CYP27C1: variants seen among roughly 807,000 people sequenced by gnomAD.
CYP27C1 encodes the protein cytochrome P450 27C1.
A neutral mutation model predicts 40.6 loss-of-function variants in CYP27C1; 29 were observed. That is an observed-to-expected ratio of 0.71 (90% CI 0.53 to 0.97). CYP27C1 has a LOEUF of 0.97. Ranked by LOEUF, CYP27C1 falls within the 50% of genes least tolerant of loss-of-function variation. The pLI, the probability that CYP27C1 is intolerant of heterozygous loss-of-function variation, is 0.00. For missense variants in CYP27C1, 390 were observed against 485.8 expected, an observed-to-expected ratio of 0.80 and a Z score of 1.85; for synonymous variants, 198 against 186.8, an observed-to-expected ratio of 1.06 and a Z score of -0.49.
intron 5 of CYP27C1, among the ~76,000 whole-genome samples, chr2:127,198,290 G>A (rs1682952482): frequency 6.6e-6 from 1 of 151,884 alleles, no homozygotes; most frequent in African/African-American, 2.4e-5. Context: ...AAGTTATGTT[G>A]GCTTTATAGA....
intron 8 of CYP27C1, among the ~76,000 whole-genome samples, chr2:127,189,186 C>G (rs952166421): frequency 1.3e-5 from 2 of 151,796 alleles, no homozygotes; most frequent in African/African-American, 4.8e-5. Flanking sequence ...CCTCCGCCCC[C>G]CTACATCCAG....
rs1218455699 is a variant in CYP27C1 at position 127,203,461 on chromosome 2, A to G, written c.584T>C (p.Ile195Thr). ...GCTCCTGAGGAGGTAGATTCTTTTA[A>G]TTAAGTCAGCAATAACTTGGTTGAC... ...GEVNQVIADLIKRIYLLRSQA... is the reference protein window; with the variant it reads ...GEVNQVIADLTKRIYLLRSQA... The change falls in exon 3 of 9, where the codon ATT becomes ACT. Residue 195 changes from isoleucine to threonine, a missense_variant. By Grantham distance (89) the Ile-to-Thr change is moderately conservative. Coordinates refer to ENST00000664447, the MANE Select transcript of CYP27C1 (RefSeq NM_001367502.1). The G allele has an allele frequency of 6.2e-7, 1 of 1,614,112 alleles. No individual in the cohort carries two copies.
rs190048808 is a variant in CYP27C1, at chr2:127,197,611, C to T, written c.1047+1765G>A. Among the ~76,000 whole-genome samples, 10 of 152,254 alleles carry T rather than the reference C, an allele frequency of 6.6e-5. No homozygotes were observed. The East Asian group carries it at 1.2e-3, about 18-fold the overall frequency. The stretch of plus-strand genomic sequence containing the variant: ...ATGCTTTGGAAACAGCGAAGCGTCA[C>T]GCAATCTTAATTCTCTCTTTCCACC... On this transcript the variant is annotated intron_variant, in intron 5 of 8. Coordinates refer to ENST00000664447, the MANE Select transcript of CYP27C1 (RefSeq NM_001367502.1).
chr2:127,203,386 T>C lies in CYP27C1; in HGVS notation c.659A>G (p.Lys220Arg), dbSNP rs1209087345. Residue 220 changes from lysine to arginine, a missense_variant, in exon 3 of 9, where the codon AAA (lysine) becomes AGA (arginine). By Grantham distance (26) the Lys-to-Arg change is conservative (BLOSUM62 2). Coordinates refer to ENST00000664447, the MANE Select transcript of CYP27C1 (RefSeq NM_001367502.1). ...TTCCACCTCACCTTCCATTGAATAT[T>C]TGAAGAAAAGATCATTGACATTGGT... is the stretch of plus-strand genomic sequence containing the variant. ...TVTNVNDLFF[K>R]YSMEGVATIL... 3 of 1,612,656 alleles carry C rather than the reference T, an allele frequency of 1.9e-6. No individual in the cohort carries two copies. In the Admixed American group the frequency reaches 5.0e-5, roughly 27 times the overall value.
At position 127,195,867 on chromosome 2, in the gene CYP27C1, C is replaced by A. The variant is rs1235252330; in HGVS notation, c.1048-366G>T. On this transcript the variant is annotated intron_variant, in intron 5 of 8. Transcript: ENST00000664447. The surrounding 1 kb of genome is among the most constrained non-coding windows in gnomAD (Gnocchi z 6.2). ...CTGGGACTTTGTGTGACCTTCTTTG[C>A]AGGGCTTGCTCGGTGTGTGCCAGAA... Among the ~76,000 whole-genome samples, 3 of 152,178 alleles carry A rather than the reference C, an allele frequency of 2.0e-5. No individual in the cohort carries two copies. The East Asian group carries it at 5.8e-4, about 29-fold the overall frequency.
At chr2:127,205,742 T>C (rs1489355104) in intron 2 of CYP27C1, 158 bp downstream of exon 2, 2 of 985,342 alleles carry the variant, frequency 2.0e-6, no homozygotes, top group Non-Finnish European at 2.4e-6. Context: ...AGGGCTCTCA[T>C]GTCTGGGAGA....
intron 1 of CYP27C1, among the ~76,000 whole-genome samples, chr2:127,213,477 A>T (rs1256216454): frequency 2.0e-5 from 3 of 152,184 alleles, no homozygotes; most frequent in African/African-American, 7.2e-5. Context: ...CATATAGACC[A>T]ATGGAGCAAA....
chr2:127,198,030 A>C (rs915559537), intron 5 of CYP27C1, among the ~76,000 whole-genome samples: 5 of 152,118 alleles, frequency 3.3e-5, no homozygotes, highest in Admixed American at 2.6e-4. Context: ...CACAGTATAC[A>C]TGCTGGTCTG....
chr2:127,193,340 T>C (rs1682826546), intron 7 of CYP27C1, 43 bp from the exon 8 acceptor site: 2 of 1,609,666 alleles, frequency 1.2e-6, no homozygotes, highest in East Asian at 2.2e-5. Context: ...AGGGGCAGAA[T>C]CACTCAAGAG....
Position 127,187,370 on chromosome 2 carries a change from C to A in CYP27C1, c.1515G>T (p.Glu505Asp). 1 of 1,614,064 alleles carries A rather than the reference C, an allele frequency of 6.2e-7. No individual in the cohort carries two copies. The part of the protein sequence containing the change: ...LVVIQLLQHF[E>D]IKTSSQTNAV... ...CATTGGTCTGAGAAGATGTTTTGAT[C>A]TCAAAATGTTGAAGCAACTAAGAAG... Residue 505 changes from glutamate (E) to aspartate (D), a missense_variant, in exon 9 of 9, where the codon GAG becomes GAT. Transcript: ENST00000664447.
rs780660849 is a variant in CYP27C1 at position 127,195,507 on chromosome 2, G to A, written c.1048-6C>T. On this transcript the variant is annotated splice_polypyrimidine_tract_variant and splice_region_variant and intron_variant, in intron 5 of 8. Transcript: ENST00000664447. This position sits in a 1 kb window ranked among gnomAD's most constrained non-coding sequence, Gnocchi z 6.2. The stretch of plus-strand genomic sequence containing the variant: ...CAAGACAAGGTGAAGGACGTCTAAG[G>A]AGAGAAAGTGGCAGACACAGGCAGG... 6.2e-7 allele frequency: 1 copy of A among 1,613,552 alleles called. No individual in the cohort carries two copies. Among genetic ancestry groups the A allele is most frequent in the South Asian group, 1.1e-5 (1 of 91,016 alleles).
At position 127,196,512 on chromosome 2, in the gene CYP27C1, A is replaced by G. The variant is rs994351255; in HGVS notation, c.1048-1011T>C. On this transcript the variant is annotated intron_variant, in intron 5 of 8. Coordinates refer to ENST00000664447, the MANE Select transcript of CYP27C1 (RefSeq NM_001367502.1). This position sits in a 1 kb window ranked among gnomAD's most constrained non-coding sequence, Gnocchi z 4.5. Reference sequence around the variant, plus strand: ...CTAGTAAACAAGGAAATGCCACAGTATAAAGGCCTTTCTCTTTCACCAAAA... The same window carrying G: ...CTAGTAAACAAGGAAATGCCACAGTGTAAAGGCCTTTCTCTTTCACCAAAA... 6.9e-6 allele frequency among the ~76,000 whole-genome samples: 1 copy of G among 144,632 alleles called. No individual in the cohort carries two copies. The highest frequency in any genetic ancestry group is 2.6e-5 in the African/African-American group (1 of 38,610). 94.9% of individuals were successfully genotyped at this position (144,632 alleles called of 152,430 possible).
chr2:127,215,763 A>G (rs1240505057), intron 1 of CYP27C1, among the ~76,000 whole-genome samples: 1 of 152,118 alleles, frequency 6.6e-6, no homozygotes, highest in South Asian at 2.1e-4. Flanking sequence ...TTTGCAAAGC[A>G]CATATCTGAT....
At chr2:127,211,562 T>A (rs1683340164) in intron 1 of CYP27C1, among the ~76,000 whole-genome samples, 3 of 151,868 alleles carry the variant, frequency 2.0e-5, no homozygotes, top group African/African-American at 4.8e-5. Flanking sequence ...TTTTTTTGTA[T>A]TTTTAGTAGA....
chr2:127,189,716 GATGCTC>G (rs1418338345), intron 8 of CYP27C1, among the ~76,000 whole-genome samples: 3 of 151,314 alleles, frequency 2.0e-5, no homozygotes, highest in Middle Eastern at 3.5e-3. Flanking sequence ...TATCTTTTGG[GATGCTC>G]ATGTAATTTT....
In CYP27C1 at chr2:127,196,131, C is replaced by T. The variant is rs985213926; in HGVS notation, c.1048-630G>A. Among the ~76,000 whole-genome samples, 15 of 151,750 alleles carry T rather than the reference C, an allele frequency of 9.9e-5. No individual in the cohort carries two copies. Among genetic ancestry groups the T allele is most frequent in the African/African-American group, 2.9e-4 (12 of 41,320 alleles). On this transcript the variant is annotated intron_variant, in intron 5 of 8. Transcript: ENST00000664447. The surrounding 1 kb of genome is among the most constrained non-coding windows in gnomAD (Gnocchi z 4.5). ...AGGCTGGAATGCAGTGACGCGATCTCGGCTCACTGCAAGCTCTGCCTCCCG... is the reference window on the plus strand; with the variant it reads ...AGGCTGGAATGCAGTGACGCGATCTTGGCTCACTGCAAGCTCTGCCTCCCG...
chr2:127,197,550 T>C (rs1270652080), intron 5 of CYP27C1, among the ~76,000 whole-genome samples: 1 of 152,094 alleles, frequency 6.6e-6, no homozygotes, highest in African/African-American at 2.4e-5. Flanking sequence ...ACTCCTACCT[T>C]AGAGGAAGCT....
At chr2:127,187,827 G>A (rs1288339352) in intron 8 of CYP27C1, among the ~76,000 whole-genome samples, 2 of 152,184 alleles carry the variant, frequency 1.3e-5, no homozygotes, top group Non-Finnish European at 2.9e-5. Context: ...AGAAACAGAG[G>A]CGGAGAGAGC....
At position 127,191,243 on chromosome 2, in the gene CYP27C1, A is replaced by T. The variant is rs143777625; in HGVS notation, c.1497+1851T>A. ...CTGGCGACAGAGCAAGACTCAAAAA[A>T]AATAATAAAATAAAATAAAAACCGT... is the stretch of plus-strand genomic sequence containing the variant. On this transcript the variant is annotated intron_variant, in intron 8 of 8. Coordinates refer to ENST00000664447, the MANE Select transcript of CYP27C1 (RefSeq NM_001367502.1). 3.1e-3 allele frequency among the ~76,000 whole-genome samples: 475 copies of T among 152,288 alleles called. 3 individuals carry two copies. Among genetic ancestry groups the T allele is most frequent in the African/African-American group, 0.01 (433 of 41,558 alleles).
Sources: gnomAD v4.1 joint callset for allele counts (sites outside exome capture counted in the v4.1 genomes callset) on GRCh38, gnomAD v4.1.1 for gene constraint, Gnocchi (gnomAD v3.1) non-coding constraint, MANE v1.5 for transcripts, NCBI Gene and HGNC (gene_info 2026-07-23, HGNC 2026-07-21) for gene names.